The following AZIN2 variants were observed in gnomAD, a reference collection of about 807,000 sequenced individuals.
The protein encoded by AZIN2 is ODC antizyme inhibitor-2.
In AZIN2, 28 loss-of-function variants were observed where a neutral mutation model predicts 47.8. That is an observed-to-expected ratio of 0.59 (90% confidence interval 0.43 to 0.80). The LOEUF (loss-of-function observed/expected upper bound fraction) is 0.80, where lower values mean the gene tolerates loss of function less well. Ranked by LOEUF, AZIN2 falls within the 30% of genes least tolerant of loss-of-function variation. The probability of loss-of-function intolerance (pLI) is 0.00; values close to 1 mark genes in which losing one functional copy is unlikely to be tolerated. For synonymous variants in AZIN2, 221 were observed against 239.4 expected, an observed-to-expected ratio of 0.92 and a Z score of 0.71; for missense variants, 535 against 582.5, an observed-to-expected ratio of 0.92 and a Z score of 0.84.
At chr1:33,129,402 A>C in the AZIN2 span, among the ~76,000 whole-genome samples, 1 of 152,198 alleles carries the variant, frequency 6.6e-6, no homozygotes, top group Non-Finnish European at 1.5e-5. This position sits in a 1 kb window ranked among gnomAD's most constrained non-coding sequence, Gnocchi z 4.1. Flanking sequence ...TCACCAGCTG[A>C]TAAAGGCGGT....
At chr1:33,114,578 T>C (rs1359116667) in intron 10 of AZIN2, among the ~76,000 whole-genome samples, 5 of 151,604 alleles carry the variant, frequency 3.3e-5, no homozygotes, top group Non-Finnish European at 7.4e-5. Context: ...TGGTCTCGAT[T>C]TCCTGACCTC....
the AZIN2 span, chr1:33,159,721 G>A: frequency 5.6e-6 from 9 of 1,611,376 alleles, no homozygotes; most frequent in Non-Finnish European, 7.6e-6. This position sits in a 1 kb window ranked among gnomAD's most constrained non-coding sequence, Gnocchi z 4.2. Context: ...AGCCAGGAAG[G>A]TGTGCCGGTC....
chr1:33,135,771 T>C, the AZIN2 span, among the ~76,000 whole-genome samples: 1 of 152,234 alleles, frequency 6.6e-6, no homozygotes, highest in Non-Finnish European at 1.5e-5. Flanking sequence ...CCTCAACCTA[T>C]GTGCTATCTT....
downstream of AZIN2, among the ~76,000 whole-genome samples, chr1:33,127,979 C>G (rs1428889057): frequency 6.6e-6 from 1 of 152,112 alleles, no homozygotes; most frequent in Non-Finnish European, 1.5e-5. Flanking sequence ...GCTGTGTATC[C>G]TGGCCTAAGT....
chr1:33,161,825 G>T, the AZIN2 span, among the ~76,000 whole-genome samples: 1 of 152,160 alleles, frequency 6.6e-6, no homozygotes, highest in African/African-American at 2.4e-5. The surrounding 1 kb of genome is among the most constrained non-coding windows in gnomAD (Gnocchi z 4.3). Flanking sequence ...CCCTCTCCTA[G>T]TTGAAAGTTC....
chr1:33,085,806 G>C (rs1569881830), intron 5 of AZIN2, among the ~76,000 whole-genome samples: 1 of 152,220 alleles, frequency 6.6e-6, no homozygotes, highest in East Asian at 1.9e-4. Flanking sequence ...GAAGCTCTGT[G>C]AGGCACACAG....
intron 10 of AZIN2, among the ~76,000 whole-genome samples, chr1:33,114,871 G>A (rs535446786): frequency 6.6e-6 from 1 of 150,670 alleles, no homozygotes; most frequent in South Asian, 2.1e-4. Flanking sequence ...TCAAACTCCT[G>A]ACCTCAAGTG....
the AZIN2 span, among the ~76,000 whole-genome samples, chr1:33,152,229 C>T: frequency 1.3e-5 from 2 of 152,214 alleles, no homozygotes; most frequent in Non-Finnish European, 2.9e-5. Flanking sequence ...GGTCTTTTCA[C>T]ATCATGCTCT....
At chr1:33,138,626 C>CAAAAAAA in the AZIN2 span, among the ~76,000 whole-genome samples, 49 of 66,006 alleles carry the variant, frequency 7.4e-4, no homozygotes, top group East Asian at 1.4e-3. Flanking sequence ...ACAACAACAA[C>CAAAAAAA]AAAAAAAAAA....
At chr1:33,117,717 C>T (rs1325451888) in intron 10 of AZIN2, among the ~76,000 whole-genome samples, 185 bp from the exon 11 acceptor site, 2 of 152,180 alleles carry the variant, frequency 1.3e-5, no homozygotes, top group African/African-American at 2.4e-5. Flanking sequence ...GCCAGGCATT[C>T]GTGACTTCAG....
chr1:33,085,152 G>C (rs544447525), intron 5 of AZIN2, among the ~76,000 whole-genome samples: 1 of 151,254 alleles, frequency 6.6e-6, no homozygotes, highest in South Asian at 2.1e-4. Flanking sequence ...CTCTTCTGAG[G>C]CCAAGCATTA....
chr1:33,147,523 G>T, the AZIN2 span: 2 of 1,613,800 alleles, frequency 1.2e-6, no homozygotes, highest in Non-Finnish European at 1.7e-6. The surrounding 1 kb of genome is among the most constrained non-coding windows in gnomAD (Gnocchi z 8.1). Context: ...CACCCACTGG[G>T]TCTTCTCCGC....
downstream of AZIN2, among the ~76,000 whole-genome samples, chr1:33,127,208 G>T (rs945088433): frequency 2.0e-5 from 3 of 152,352 alleles, no homozygotes; most frequent in South Asian, 2.1e-4. Context: ...CTCAGAAGTG[G>T]AAACGATTGC....
At chr1:33,159,968 T>C in the AZIN2 span, 2 of 1,591,316 alleles carry the variant, frequency 1.3e-6, no homozygotes, top group Non-Finnish European at 1.7e-6. The surrounding 1 kb of genome is among the most constrained non-coding windows in gnomAD (Gnocchi z 4.2). Context: ...TCGTCAGGGG[T>C]TATGGCTGGG....
intron 5 of AZIN2, among the ~76,000 whole-genome samples, chr1:33,090,949 T>C (rs1642484061): frequency 6.6e-6 from 1 of 152,226 alleles, no homozygotes; most frequent in Non-Finnish European, 1.5e-5. Flanking sequence ...TCATGCATGT[T>C]TGTCTTTCTG....
At chr1:33,148,762 A>G in the AZIN2 span, among the ~76,000 whole-genome samples, 2 of 152,352 alleles carry the variant, frequency 1.3e-5, no homozygotes, top group South Asian at 4.1e-4. Flanking sequence ...GATATTACAC[A>G]TGATTTGTTA....
chr1:33,154,366 G>A, the AZIN2 span, among the ~76,000 whole-genome samples: 1 of 152,216 alleles, frequency 6.6e-6, no homozygotes, highest in East Asian at 1.9e-4. Flanking sequence ...GTCACAGCTC[G>A]GAGAGGCAGT....
At chr1:33,108,534 G>T (rs906527460) in intron 10 of AZIN2, among the ~76,000 whole-genome samples, 1 of 151,934 alleles carries the variant, frequency 6.6e-6, no homozygotes, top group Non-Finnish European at 1.5e-5. Context: ...GTAGAGATGG[G>T]GTTTCACCAT....
the AZIN2 span, among the ~76,000 whole-genome samples, chr1:33,133,369 T>C: frequency 4.6e-5 from 7 of 152,224 alleles, no homozygotes; most frequent in South Asian, 8.3e-4. Context: ...ACAGATCTGA[T>C]AGGGCCTTTC....
Sources: gnomAD v4.1 joint callset for allele counts (sites outside exome capture counted in the v4.1 genomes callset) on GRCh38, gnomAD v4.1.1 for gene constraint, Gnocchi (gnomAD v3.1) non-coding constraint, MANE v1.5 for transcripts, NCBI Gene and HGNC (gene_info 2026-07-23, HGNC 2026-07-21) for gene names.